Variants in HNRNPUL1 observed in about 807,000 individuals in gnomAD.
HNRNPUL1 encodes heterogeneous nuclear ribonucleoprotein U like 1.
HNRNPUL1 carries 14 observed loss-of-function variants against 108.5 expected under a neutral mutation model. The ratio of observed to expected loss-of-function variants is 0.13; its 90% confidence interval spans 0.09 to 0.20. HNRNPUL1 has a LOEUF of 0.20. Ranked by LOEUF, HNRNPUL1 falls within the 10% of genes least tolerant of loss-of-function variation. HNRNPUL1 has a pLI of 1.00. For missense variants in HNRNPUL1, 804 were observed against 1,168.3 expected, an observed-to-expected ratio of 0.69 and a Z score of 4.55; for synonymous variants, 422 against 445.2, an observed-to-expected ratio of 0.95 and a Z score of 0.66.
At chr19:41,276,401 A>T (rs932504945) in intron 5 of HNRNPUL1, 103 bp downstream of exon 5, 5 of 1,271,896 alleles carry the variant, frequency 3.9e-6, no homozygotes, top group Non-Finnish European at 5.4e-6. Flanking sequence ...AAGAGATTGG[A>T]TTGTGCAATA....
At chr19:41,270,363 A>G (rs1349977931) in intron 2 of HNRNPUL1, among the ~76,000 whole-genome samples, 1 of 151,926 alleles carries the variant, frequency 6.6e-6, no homozygotes, top group Non-Finnish European at 1.5e-5. Flanking sequence ...TGATGGCAGC[A>G]CTGCATTCCA....
At chr19:41,264,193 A>T (rs377487368), upstream of HNRNPUL1, 29 of 289,362 alleles carry the variant, frequency 1.0e-4, no homozygotes, top group African/African-American at 4.3e-4. Context: ...CTCGGCTTCG[A>T]CGTAGGCCAA....
intron 1 of HNRNPUL1, among the ~76,000 whole-genome samples, chr19:41,267,691 A>G (rs2034936518): frequency 1.3e-5 from 2 of 152,242 alleles, no homozygotes; most frequent in African/African-American, 4.8e-5. Flanking sequence ...AGCCACTGGT[A>G]GGGCCCTTGG....
At chr19:41,269,991 T>A (rs1417917990) in intron 2 of HNRNPUL1, among the ~76,000 whole-genome samples, 1 of 152,144 alleles carries the variant, frequency 6.6e-6, no homozygotes, top group Non-Finnish European at 1.5e-5. Context: ...CTACTCTTTT[T>A]TTTTTTTTGA....
Position 41,306,660 on chromosome 19 carries a change from C to T in HNRNPUL1, c.*95C>T. On this transcript the variant is annotated 3_prime_UTR_variant, in exon 15 of 15. Transcript: ENST00000392006. Reference sequence around the variant, plus strand: ...TCTGCCCCCGCCAGATCCCGTGGTGCTGGGGATGGGGTCATCCCAGGGCTG... The same window carrying T: ...TCTGCCCCCGCCAGATCCCGTGGTGTTGGGGATGGGGTCATCCCAGGGCTG... 1.3e-6 allele frequency: 1 copy of T among 746,478 alleles called. No individual in the cohort carries two copies. Among genetic ancestry groups the T allele is most frequent in the Non-Finnish European group, 2.1e-6 (1 of 487,734 alleles). 46.2% of individuals were successfully genotyped at this position (746,478 alleles called of 1,614,324 possible). A position where few individuals can be genotyped will look rare whatever the true frequency, so the allele number is the denominator to read the frequency against.
In HNRNPUL1 at chr19:41,279,073, T is replaced by C; in HGVS notation, c.787-4T>C. 6.2e-7 allele frequency: 1 copy of C among 1,612,814 alleles called. No individual in the cohort carries two copies. The highest frequency in any genetic ancestry group is 8.5e-7 in the Non-Finnish European group (1 of 1,178,906). ...CCCTGAGCCCTTTTGTCCTCTTTCC[T>C]CAGATCAATGAGGAAATCTCCGTGA... On this transcript the variant is annotated splice_region_variant and splice_polypyrimidine_tract_variant and intron_variant, in intron 5 of 14. Transcript: ENST00000392006.
intron 7 of HNRNPUL1, among the ~76,000 whole-genome samples, chr19:41,290,355 G>A (rs1205389561): frequency 6.6e-6 from 1 of 152,098 alleles, no homozygotes; most frequent in Non-Finnish European, 1.5e-5. Context: ...AAAAAAAAGA[G>A]CCTCTCGTAT....
chr19:41,304,409 T>C (rs942939326), intron 13 of HNRNPUL1, 148 bp downstream of exon 13: 5 of 1,403,906 alleles, frequency 3.6e-6, no homozygotes, highest in African/African-American at 2.9e-5. Flanking sequence ...TCTTTCTCCC[T>C]GGCCGTGATC....
In HNRNPUL1 at chr19:41,304,225, C is replaced by G; in HGVS notation, c.2226C>G (p.Thr742=). 1 of 1,612,860 alleles carries G rather than the reference C, an allele frequency of 6.2e-7. No individual in the cohort carries two copies. Among genetic ancestry groups the G allele is most frequent in the East Asian group, 2.2e-5 (1 of 44,854 alleles). Reference sequence around the variant, plus strand: ...ACATCCCTGGCTCAAGCGCCAATACCAGCACCCCCACCGTCAGCAGCTACA... The same window carrying G: ...ACATCCCTGGCTCAAGCGCCAATACGAGCACCCCCACCGTCAGCAGCTACA... ...NSNIPGSSAN[T]STPTVSSYSP... is the part of the protein sequence containing the mutation. The change falls in exon 13 of 15, where the codon ACC becomes ACG. Residue 742 remains threonine, a synonymous_variant. Coordinates refer to ENST00000392006, the MANE Select transcript of HNRNPUL1 (RefSeq NM_007040.6).
intron 7 of HNRNPUL1, among the ~76,000 whole-genome samples, chr19:41,283,372 C>T (rs188648183): frequency 2.0e-5 from 3 of 152,336 alleles, no homozygotes; most frequent in Non-Finnish European, 4.4e-5. Flanking sequence ...CCTCCGCCTC[C>T]GGGGTTCAAG....
intron 14 of HNRNPUL1, 118 bp downstream of exon 14, chr19:41,305,985 C>T: frequency 2.8e-6 from 2 of 708,736 alleles, no homozygotes; most frequent in Non-Finnish European, 4.7e-6. Flanking sequence ...TGGCCTCGGC[C>T]TGGCGTTCAT....
At chr19:41,293,429 C>T (rs1386776596) in intron 8 of HNRNPUL1, among the ~76,000 whole-genome samples, 1 of 152,144 alleles carries the variant, frequency 6.6e-6, no homozygotes, top group African/African-American at 2.4e-5. Context: ...CTTTGAACAT[C>T]ATTTTTTCTT....
At chr19:41,281,785 T>C (rs2035913199) in intron 7 of HNRNPUL1, among the ~76,000 whole-genome samples, 1 of 152,200 alleles carries the variant, frequency 6.6e-6, no homozygotes, top group East Asian at 1.9e-4. Flanking sequence ...CTTCAGTCTT[T>C]GAGAACAGTG....
In HNRNPUL1 at chr19:41,297,748, G is replaced by A. The variant is rs537183106; in HGVS notation, c.1518+3062G>A. Among the ~76,000 whole-genome samples, 10 of 152,320 alleles carry A rather than the reference G, an allele frequency of 6.6e-5. No individual in the cohort carries two copies. In the South Asian group the frequency reaches 1.2e-3, roughly 19 times the overall value. ...CCAGGCCAGGCATCAGTTAGAATCA[G>A]GGCTGGATGGGTTGACGTCACAGTC... On this transcript the variant is annotated intron_variant, in intron 10 of 14. Coordinates refer to ENST00000392006, the MANE Select transcript of HNRNPUL1 (RefSeq NM_007040.6).
intron 7 of HNRNPUL1, among the ~76,000 whole-genome samples, chr19:41,290,021 G>A (rs1359987558): frequency 6.6e-6 from 1 of 152,002 alleles, no homozygotes; most frequent in Non-Finnish European, 1.5e-5. Context: ...GCTCTCCATG[G>A]TCTTGACGTG....
rs764295543 is a variant in HNRNPUL1 at position 41,302,792 on chromosome 19, T to G, written c.1815T>G (p.Pro605=). The change falls in exon 12 of 15, where the codon CCT becomes CCG. Residue 605 remains proline, a synonymous_variant. Coordinates refer to ENST00000392006, the MANE Select transcript of HNRNPUL1 (RefSeq NM_007040.6). ...AAGGCCGCAAGGCTGGGCCACCCCC[T>G]GAAAAGCGCTTTGACAACCGAGGTG... ...NEEGRKAGPP[P]EKRFDNRGGG... The G allele has an allele frequency of 7.4e-6, 12 of 1,611,062 alleles. No individual in the cohort carries two copies. The highest frequency in any genetic ancestry group is 6.7e-5 in the African/African-American group (5 of 74,824).
rs181945110 is a variant in HNRNPUL1 at position 41,294,095 on chromosome 19, G to A, written c.1267-243G>A. 1.4e-4 allele frequency among the ~76,000 whole-genome samples: 21 copies of A among 152,160 alleles called. No individual in the cohort carries two copies. Among genetic ancestry groups the A allele is most frequent in the Admixed American group, 1.2e-3 (19 of 15,298 alleles). The stretch of plus-strand genomic sequence containing the variant: ...CCGAAAGTCCTGGGATTATAGGCGT[G>A]AGCTACCGTGCCTGGCCAGCACTTG... On this transcript the variant is annotated intron_variant, in intron 8 of 14. Transcript: ENST00000392006. This position sits in a 1 kb window ranked among gnomAD's most constrained non-coding sequence, Gnocchi z 4.3.
At chr19:41,301,793 C>G (rs1471245619) in intron 11 of HNRNPUL1, 89 bp downstream of exon 11, 1 of 1,205,748 alleles carries the variant, frequency 8.3e-7, no homozygotes, top group Non-Finnish European at 1.2e-6. Flanking sequence ...CCTGGCTCCC[C>G]AGTGATTTCT....
At position 41,294,220 on chromosome 19, in the gene HNRNPUL1, C is replaced by T. The variant is rs2036755947; in HGVS notation, c.1267-118C>T. On this transcript the variant is annotated intron_variant, in intron 8 of 14. Transcript: ENST00000392006. The surrounding 1 kb of genome is among the most constrained non-coding windows in gnomAD (Gnocchi z 4.3). ...TACTGTGAGGTAGATGGTATTACTG[C>T]TTCCGCTTTGTAGAGGCAGCCACAG... The T allele has an allele frequency of 8.7e-7, 1 of 1,153,226 alleles. No homozygotes were observed. Among genetic ancestry groups the T allele is most frequent in the African/African-American group, 1.5e-5 (1 of 65,654 alleles). The allele number at this position is 1,153,226 out of a possible 1,614,324, so 71.4% of individuals were successfully genotyped here. A position where few individuals can be genotyped will look rare whatever the true frequency, so the allele number is the denominator to read the frequency against.
Sources: gnomAD v4.1 joint callset for allele counts (sites outside exome capture counted in the v4.1 genomes callset) on GRCh38, gnomAD v4.1.1 for gene constraint, Gnocchi (gnomAD v3.1) non-coding constraint, MANE v1.5 for transcripts, NCBI Gene and HGNC (gene_info 2026-07-23, HGNC 2026-07-21) for gene names.